The following COLEC10 variants were observed in gnomAD, a reference collection of about 807,000 sequenced individuals.
COLEC10 encodes collectin-10.
COLEC10 carries 22 observed loss-of-function variants against 28.4 expected under a neutral mutation model. The observed-to-expected ratio is 0.78, with a 90% CI of 0.55 to 1.11. The LOEUF (loss-of-function observed/expected upper bound fraction) is 1.11. Ranked by LOEUF, COLEC10 falls within the 50% of genes least tolerant of loss-of-function variation. The probability of loss-of-function intolerance (pLI) is 0.00; values close to 1 mark genes in which losing one functional copy is unlikely to be tolerated. For missense variants in COLEC10, 361 were observed against 344.1 expected (o/e 1.05, Z -0.39); for synonymous variants, 125 against 116.1 (o/e 1.08, Z -0.49).
chr8:118,975,862 C>T, the COLEC10 span, among the ~76,000 whole-genome samples: 6 of 151,994 alleles, frequency 3.9e-5, no homozygotes, highest in Non-Finnish European at 5.9e-5. Context: ...CTGTAAACCA[C>T]GAATTTCTTA....
intron 1 of COLEC10, among the ~76,000 whole-genome samples, chr8:119,077,502 T>C (rs1815270987): frequency 6.6e-6 from 1 of 152,192 alleles, no homozygotes; most frequent in South Asian, 2.1e-4. Flanking sequence ...GGTCATATCA[T>C]TACCTCTTCT....
upstream of COLEC10, among the ~76,000 whole-genome samples, chr8:118,991,738 G>A (rs138419642): frequency 1.3e-3 from 197 of 152,218 alleles, 1 homozygote; most frequent in Non-Finnish European, 8.8e-5. Context: ...AGTCTGTGTG[G>A]CTAATATTGC....
At chr8:119,075,418 A>C (rs1195031217) in intron 1 of COLEC10, among the ~76,000 whole-genome samples, 1 of 152,222 alleles carries the variant, frequency 6.6e-6, no homozygotes, top group Non-Finnish European at 1.5e-5. Context: ...AAAGAATTGT[A>C]CATATACACA....
chr8:119,056,539 G>A (rs1814764430), intron 2 of COLEC10, among the ~76,000 whole-genome samples: 1 of 152,022 alleles, frequency 6.6e-6, no homozygotes, highest in African/African-American at 2.4e-5. Flanking sequence ...GCAAAAAATA[G>A]TAAAGCCAGA....
intron 2 of COLEC10, among the ~76,000 whole-genome samples, chr8:119,025,089 G>A (rs1373068024): frequency 3.3e-5 from 5 of 152,218 alleles, no homozygotes; most frequent in East Asian, 3.9e-4. Context: ...ACACAGTACC[G>A]TTTTTCAGAG....
chr8:119,014,468 T>C lies in COLEC10; in HGVS notation n.235+4915T>C, dbSNP rs1292282820. Among the ~76,000 whole-genome samples, 4 of 150,632 alleles carry C rather than the reference T, an allele frequency of 2.7e-5. No individual in the cohort carries two copies. In the East Asian group the frequency reaches 7.7e-4, roughly 29 times the overall value. ...TCTGTAGGTAAGCCAGTTTTCTTTT[T>C]GTTTTTCTGGCTTCATCAAAATTTT... is the stretch of plus-strand genomic sequence containing the variant. On this transcript the variant is annotated intron_variant and non_coding_transcript_variant, in intron 2 of 6. Coordinates refer to the COLEC10 transcript ENST00000521788.
the COLEC10 span, among the ~76,000 whole-genome samples, chr8:118,966,678 G>GT: frequency 2.3e-3 from 331 of 145,326 alleles, no homozygotes; most frequent in East Asian, 5.5e-3. Flanking sequence ...AATGTTCCAT[G>GT]TTTTTTTTTT....
chr8:118,959,459 A>G, the COLEC10 span, among the ~76,000 whole-genome samples: 13 of 152,150 alleles, frequency 8.5e-5, no homozygotes, highest in Admixed American at 4.6e-4. Context: ...GAATAATAGT[A>G]TCCACCTCCT....
chr8:118,988,065 T>A, the COLEC10 span, among the ~76,000 whole-genome samples: 1 of 152,050 alleles, frequency 6.6e-6, no homozygotes, highest in Non-Finnish European at 1.5e-5. Context: ...CGAGCTGAGA[T>A]CTGTTCACCT....
At chr8:119,014,313 T>G (rs544605020) in intron 2 of COLEC10, among the ~76,000 whole-genome samples, 1 of 150,340 alleles carries the variant, frequency 6.7e-6, no homozygotes, top group East Asian at 1.9e-4. Flanking sequence ...TATTTCTCCT[T>G]CACTTTTGCA....
chr8:118,975,497 T>G, the COLEC10 span, among the ~76,000 whole-genome samples: 1 of 152,058 alleles, frequency 6.6e-6, no homozygotes, highest in Non-Finnish European at 1.5e-5. Context: ...TTAATGAATG[T>G]GATGAAATTC....
chr8:119,000,109 T>A (rs1273497961), intron 1 of COLEC10, among the ~76,000 whole-genome samples: 1 of 152,150 alleles, frequency 6.6e-6, no homozygotes, highest in East Asian at 1.9e-4. Flanking sequence ...TGGTCTTACA[T>A]GAGAGCAGGA....
chr8:119,064,028 CTTG>C (rs1814906961), upstream of COLEC10, among the ~76,000 whole-genome samples: 2 of 152,244 alleles, frequency 1.3e-5, no homozygotes, highest in African/African-American at 2.4e-5. Context: ...ACAGTGTTGG[CTTG>C]TTGTTCTCAG....
At chr8:118,954,078 T>G in the COLEC10 span, among the ~76,000 whole-genome samples, 1 of 152,250 alleles carries the variant, frequency 6.6e-6, no homozygotes, top group Admixed American at 6.5e-5. Context: ...TGTAAGCTCC[T>G]GAGGGCAGGA....
chr8:118,991,812 T>A (rs998036847), upstream of COLEC10, among the ~76,000 whole-genome samples: 7 of 152,100 alleles, frequency 4.6e-5, no homozygotes, highest in African/African-American at 1.7e-4. Context: ...TATGGCCAGG[T>A]ACTGAGATAA....
intron 5 of COLEC10, among the ~76,000 whole-genome samples, chr8:119,105,285 A>G (rs1467090362): frequency 2.0e-5 from 3 of 152,158 alleles, no homozygotes; most frequent in South Asian, 4.1e-4. Context: ...GGAGGAAGTG[A>G]AAGGGGCAAT....
intron 2 of COLEC10, among the ~76,000 whole-genome samples, chr8:119,034,714 A>G (rs1814356634): frequency 6.6e-6 from 1 of 152,202 alleles, no homozygotes; most frequent in Non-Finnish European, 1.5e-5. Flanking sequence ...ATCTCAAAAA[A>G]CAAACAAAAC....
At chr8:118,953,809 A>G in the COLEC10 span, among the ~76,000 whole-genome samples, 1 of 152,190 alleles carries the variant, frequency 6.6e-6, no homozygotes. Flanking sequence ...CCTAGATTTG[A>G]GCCCCAACTC....
the COLEC10 span, among the ~76,000 whole-genome samples, chr8:118,970,368 G>A: frequency 6.6e-6 from 1 of 152,008 alleles, no homozygotes; most frequent in African/African-American, 2.4e-5. Flanking sequence ...AGACACACTT[G>A]AGACTTTACT....
Sources: gnomAD v4.1 joint callset for allele counts (sites outside exome capture counted in the v4.1 genomes callset) on GRCh38, gnomAD v4.1.1 for gene constraint, MANE v1.5 for transcripts, NCBI Gene and HGNC (gene_info 2026-07-23, HGNC 2026-07-21) for gene names.